The following ADGRL2 variants were observed in gnomAD, a reference collection of about 807,000 sequenced individuals.
The protein encoded by ADGRL2 is adhesion G protein-coupled receptor L2.
Under a neutral mutation model 157.4 loss-of-function variants are expected in ADGRL2, and 44 were observed. That is an observed-to-expected ratio of 0.28 (90% confidence interval 0.22 to 0.36). The LOEUF (loss-of-function observed/expected upper bound fraction) is 0.36, where lower values mean the gene tolerates loss of function less well. ADGRL2 is among the 10% of genes least tolerant of loss of function. The pLI, the probability that ADGRL2 is intolerant of heterozygous loss-of-function variation, is 1.00. For missense variants in ADGRL2, 1,510 were observed against 1,768.9 expected, an observed-to-expected ratio of 0.85 and a Z score of 2.63; for synonymous variants, 585 against 624.7, an observed-to-expected ratio of 0.94 and a Z score of 0.95.
chr1:81,496,003 A>G (rs1187787678), intron 2 of ADGRL2, among the ~76,000 whole-genome samples: 1 of 152,132 alleles, frequency 6.6e-6, no homozygotes, highest in Non-Finnish European at 1.5e-5. Context: ...AAATATGCAA[A>G]CACCTTTATC....
At chr1:81,876,840 C>T (rs781094264) in intron 2 of ADGRL2, among the ~76,000 whole-genome samples, 12 of 152,178 alleles carry the variant, frequency 7.9e-5, no homozygotes, top group Non-Finnish European at 1.8e-4. Flanking sequence ...TTTTACACAG[C>T]TAAATCTACT....
chr1:81,875,916 T>A (rs925211635), intron 2 of ADGRL2, among the ~76,000 whole-genome samples: 1 of 152,174 alleles, frequency 6.6e-6, no homozygotes, highest in Non-Finnish European at 1.5e-5. Flanking sequence ...CCCTTGTAAA[T>A]CAATTATGCA....
At chr1:81,901,486 T>A (rs1193194234) in intron 2 of ADGRL2, among the ~76,000 whole-genome samples, 1 of 152,154 alleles carries the variant, frequency 6.6e-6, no homozygotes, top group South Asian at 2.1e-4. Context: ...GCTTCAAGAT[T>A]TGTCTTTATA....
chr1:81,839,685 C>G (rs958201556), intron 2 of ADGRL2, among the ~76,000 whole-genome samples: 1 of 151,066 alleles, frequency 6.6e-6, no homozygotes, highest in Non-Finnish European at 1.5e-5. Context: ...CCAGTCTCAT[C>G]CAGGTCACTG....
chr1:81,837,746 A>C (rs1242194801), intron 2 of ADGRL2, among the ~76,000 whole-genome samples: 1 of 152,020 alleles, frequency 6.6e-6, no homozygotes, highest in African/African-American at 2.4e-5. Context: ...TGGAACCATC[A>C]TTTATTAACT....
intron 1 of ADGRL2, among the ~76,000 whole-genome samples, chr1:81,335,416 A>G (rs1280804796): frequency 6.6e-6 from 1 of 152,152 alleles, no homozygotes; most frequent in East Asian, 1.9e-4. Flanking sequence ...GTACTACACT[A>G]TTTTCATTCA....
At chr1:81,733,301 A>G (rs2084786443) in intron 1 of ADGRL2, among the ~76,000 whole-genome samples, 1 of 152,252 alleles carries the variant, frequency 6.6e-6, no homozygotes, top group Admixed American at 6.5e-5. Flanking sequence ...TAGGGCTACC[A>G]TAACAAAATA....
intron 1 of ADGRL2, among the ~76,000 whole-genome samples, chr1:81,338,298 A>C (rs1661800036): frequency 6.6e-6 from 1 of 151,966 alleles, no homozygotes; most frequent in African/African-American, 2.4e-5. Context: ...GGGAGGCAGA[A>C]GTTGCAGTGA....
intron 1 of ADGRL2, among the ~76,000 whole-genome samples, chr1:81,811,069 C>T (rs948846619): frequency 1.8e-4 from 27 of 151,664 alleles, no homozygotes; most frequent in Non-Finnish European, 3.8e-4. Flanking sequence ...CATATTGTTA[C>T]GGGTTTTAAA....
At chr1:81,810,960 C>T (rs2089795654) in intron 1 of ADGRL2, among the ~76,000 whole-genome samples, 1 of 151,878 alleles carries the variant, frequency 6.6e-6, no homozygotes, top group South Asian at 2.1e-4. Context: ...GGTGCTTCCT[C>T]TTGATAGCTC....
At chr1:81,633,595 CAAAAAA>C (rs369967142) in intron 3 of ADGRL2, among the ~76,000 whole-genome samples, 1 of 50,274 alleles carries the variant, frequency 2.0e-5, no homozygotes, top group Non-Finnish European at 3.6e-5. Context: ...GACTCTGTCT[CAAAAAA>C]AAAAAAAAAA....
At chr1:81,978,901 C>T (rs1315531928) in intron 17 of ADGRL2, among the ~76,000 whole-genome samples, 3 of 151,620 alleles carry the variant, frequency 2.0e-5, no homozygotes, top group Non-Finnish European at 4.4e-5. Context: ...AAGTAACGTA[C>T]AGCTCACAAA....
chr1:81,373,669 A>G (rs2076198349), intron 1 of ADGRL2, among the ~76,000 whole-genome samples: 1 of 152,228 alleles, frequency 6.6e-6, no homozygotes, highest in African/African-American at 2.4e-5. Context: ...ACATACATTA[A>G]TAAGGATGAA....
intron 3 of ADGRL2, among the ~76,000 whole-genome samples, chr1:81,648,699 A>G (rs1204783264): frequency 5.3e-5 from 8 of 152,164 alleles, no homozygotes; most frequent in Non-Finnish European, 1.2e-4. Context: ...CTTAGCATAT[A>G]TGTTACATAG....
At chr1:81,618,845 GAGA>G (rs970478996) in intron 3 of ADGRL2, among the ~76,000 whole-genome samples, 2 of 149,356 alleles carry the variant, frequency 1.3e-5, no homozygotes, top group South Asian at 2.1e-4. Flanking sequence ...CAGTAATCTG[GAGA>G]AGGTTTTTTT....
At chr1:81,600,639 T>C (rs1298971019) in intron 3 of ADGRL2, among the ~76,000 whole-genome samples, 10 of 152,200 alleles carry the variant, frequency 6.6e-5, no homozygotes, top group Non-Finnish European at 1.5e-5. Context: ...GATTAGGAAA[T>C]GTGTTTCTCA....
Position 81,850,061 on chromosome 1 carries a change from A to G in ADGRL2, c.73+13004A>G, listed in dbSNP as rs1165477344. On this transcript the variant is annotated intron_variant, in intron 2 of 23. Coordinates refer to ENST00000686636, the MANE Select transcript of ADGRL2 (RefSeq NM_001366006.2). ...TCGTCCTGCCGAAATACTCCTCCCCACTACAAACAGCCACATTAATTTTAA... is the reference window on the plus strand; with the variant it reads ...TCGTCCTGCCGAAATACTCCTCCCCGCTACAAACAGCCACATTAATTTTAA... Among the ~76,000 whole-genome samples the G allele has an allele frequency of 3.3e-5, 5 of 151,898 alleles. No homozygotes were observed. The Admixed American group carries it at 3.3e-4, about 10-fold the overall frequency.
intron 1 of ADGRL2, among the ~76,000 whole-genome samples, chr1:81,310,282 G>A (rs1307812943): frequency 6.6e-6 from 1 of 152,112 alleles, no homozygotes; most frequent in Non-Finnish European, 1.5e-5. Context: ...CCTTATTTCT[G>A]TCTATTTGGG....
intron 3 of ADGRL2, among the ~76,000 whole-genome samples, chr1:81,935,010 GA>G (rs2095289382): frequency 1.3e-5 from 2 of 151,916 alleles, no homozygotes; most frequent in Admixed American, 1.3e-4. Context: ...GTTTAAAAAA[GA>G]AGAAAAATGA....
Sources: gnomAD v4.1 joint callset for allele counts (sites outside exome capture counted in the v4.1 genomes callset) on GRCh38, gnomAD v4.1.1 for gene constraint, MANE v1.5 for transcripts, NCBI Gene and HGNC (gene_info 2026-07-23, HGNC 2026-07-21) for gene names.